Variants in GALNT13 observed in about 807,000 individuals in gnomAD.
The protein encoded by GALNT13 is UDP-GalNAc:polypeptide N-acetylgalactosaminyltransferase 13.
Under a neutral mutation model 64.2 loss-of-function variants are expected in GALNT13, and 28 were observed. The observed-to-expected ratio is 0.44, with a 90% confidence interval of 0.32 to 0.60. The LOEUF (loss-of-function observed/expected upper bound fraction) is 0.60, where lower values mean the gene tolerates loss of function less well. GALNT13 is among the 20% of genes least tolerant of loss of function. The pLI is 0.05. For synonymous variants in GALNT13, 214 were observed against 224.6 expected, an observed-to-expected ratio of 0.95 and a Z score of 0.42; for missense variants, 577 against 669.8, an observed-to-expected ratio of 0.86 and a Z score of 1.53.
the GALNT13 span, among the ~76,000 whole-genome samples, chr2:153,361,173 G>A: frequency 6.6e-6 from 1 of 151,712 alleles, no homozygotes; most frequent in Non-Finnish European, 1.5e-5. Flanking sequence ...AAACAAACAG[G>A]AATCAACAAA....
At chr2:153,108,331 T>C in the GALNT13 span, among the ~76,000 whole-genome samples, 1 of 152,134 alleles carries the variant, frequency 6.6e-6, no homozygotes, top group Non-Finnish European at 1.5e-5. Context: ...TTGTATGCTG[T>C]GTATACTGCA....
rs199651253 is a variant in GALNT13, at chr2:154,161,783, ATT to A, written c.311+21289_311+21290del. The stretch of plus-strand genomic sequence containing the variant: ...TGAGCAACATAACAAAATCAAGTGT[ATT>A]TTTTTTTTTTGTTTTCAGACGGTCT... On this transcript the variant is annotated intron_variant, in intron 4 of 12. Coordinates refer to ENST00000392825, the MANE Select transcript of GALNT13 (RefSeq NM_052917.4). Among the ~76,000 whole-genome samples the A allele has an allele frequency of 3.3e-4, 48 of 147,658 alleles. 1 individual carries two copies. Among genetic ancestry groups the A allele is most frequent in the African/African-American group, 9.7e-4 (39 of 40,374 alleles).
At chr2:154,068,420 T>G (rs1558940521) in intron 3 of GALNT13, among the ~76,000 whole-genome samples, 3 of 152,068 alleles carry the variant, frequency 2.0e-5, no homozygotes, top group South Asian at 4.2e-4. Context: ...CTCCCATGTT[T>G]ATTGCAACAC....
chr2:154,190,110 G>T (rs1250283583), intron 4 of GALNT13, among the ~76,000 whole-genome samples: 1 of 152,134 alleles, frequency 6.6e-6, no homozygotes, highest in Non-Finnish European at 1.5e-5. Context: ...AGGCAGGTTT[G>T]CTTGCAGCAG....
intron 3 of GALNT13, among the ~76,000 whole-genome samples, chr2:154,122,555 G>A (rs1682012478): frequency 6.6e-6 from 1 of 151,914 alleles, no homozygotes; most frequent in African/African-American, 2.4e-5. Context: ...ACTGGGCCTG[G>A]TGCTTTCTTT....
the GALNT13 span, among the ~76,000 whole-genome samples, chr2:153,093,420 G>A: frequency 6.6e-6 from 1 of 151,614 alleles, no homozygotes; most frequent in Non-Finnish European, 1.5e-5. Flanking sequence ...TTGTATTTTA[G>A]TAGAGACAGG....
At chr2:153,313,671 A>G in the GALNT13 span, among the ~76,000 whole-genome samples, 1 of 152,156 alleles carries the variant, frequency 6.6e-6, no homozygotes, top group East Asian at 1.9e-4. Flanking sequence ...TATATAACAA[A>G]CCTGCACACG....
chr2:153,238,160 C>G, the GALNT13 span, among the ~76,000 whole-genome samples: 3 of 151,970 alleles, frequency 2.0e-5, no homozygotes, highest in Non-Finnish European at 4.4e-5. Flanking sequence ...ATTCAAGTCT[C>G]TTGCTCATTT....
the GALNT13 span, among the ~76,000 whole-genome samples, chr2:153,726,764 C>T: frequency 1.6e-3 from 239 of 151,974 alleles, no homozygotes; most frequent in Admixed American, 2.0e-3. Flanking sequence ...CACGGTGAAA[C>T]CCTGTCTCTC....
chr2:153,633,142 A>G, the GALNT13 span, among the ~76,000 whole-genome samples: 2 of 152,182 alleles, frequency 1.3e-5, no homozygotes, highest in Admixed American at 6.6e-5. Flanking sequence ...TATACAAGGC[A>G]TCTTGGTTAC....
At chr2:154,445,543 GTCT>G (rs1164669141) in intron 12 of GALNT13, among the ~76,000 whole-genome samples, 1 of 151,566 alleles carries the variant, frequency 6.6e-6, no homozygotes, top group African/African-American at 2.4e-5. Flanking sequence ...ATATAAACTA[GTCT>G]TCTTAAAAAA....
At chr2:154,251,486 C>T (rs1030263923) in intron 7 of GALNT13, among the ~76,000 whole-genome samples, 2 of 152,094 alleles carry the variant, frequency 1.3e-5, no homozygotes, top group African/African-American at 4.8e-5. Flanking sequence ...AAATCATTTG[C>T]CCATACTAAG....
chr2:153,263,231 G>C, the GALNT13 span, among the ~76,000 whole-genome samples: 1 of 151,812 alleles, frequency 6.6e-6, no homozygotes, highest in Admixed American at 6.6e-5. Context: ...TAGGAATACA[G>C]CTAACAAGGG....
chr2:153,349,820 A>C, the GALNT13 span, among the ~76,000 whole-genome samples: 1 of 152,126 alleles, frequency 6.6e-6, no homozygotes, highest in Admixed American at 6.6e-5. Context: ...CATGCAAACC[A>C]TCTCCCTTCA....
chr2:154,208,310 G>A (rs918641818), intron 4 of GALNT13, among the ~76,000 whole-genome samples: 2 of 151,986 alleles, frequency 1.3e-5, no homozygotes, highest in Non-Finnish European at 2.9e-5. Context: ...TATGAGAAAA[G>A]CAGAACTTAG....
the GALNT13 span, among the ~76,000 whole-genome samples, chr2:153,678,144 A>G: frequency 1.5e-5 from 2 of 133,924 alleles, no homozygotes; most frequent in Admixed American, 8.4e-5. Flanking sequence ...GCATCTATGC[A>G]TCCGACAAAT....
At chr2:154,395,863 A>C in intron 9 of GALNT13, 128 bp from the exon 10 acceptor site, 11 of 649,664 alleles carry the variant, frequency 1.7e-5, no homozygotes, top group South Asian at 2.8e-5. Context: ...CCAGTGGAGT[A>C]GCAGCTGCAT....
At chr2:154,236,211 A>G in intron 4 of GALNT13, 1 of 989,534 alleles carries the variant, frequency 1.0e-6, no homozygotes, top group Non-Finnish European at 1.3e-6. Context: ...AGATATAAAC[A>G]CACAAAGAGA....
At chr2:154,397,014 C>T (rs1415391422) in intron 10 of GALNT13, among the ~76,000 whole-genome samples, 1 of 150,746 alleles carries the variant, frequency 6.6e-6, no homozygotes, top group Non-Finnish European at 1.5e-5. Context: ...TCCTATATAG[C>T]ATATATATCT....
Sources: gnomAD v4.1 joint callset for allele counts (sites outside exome capture counted in the v4.1 genomes callset) on GRCh38, gnomAD v4.1.1 for gene constraint, MANE v1.5 for transcripts, NCBI Gene and HGNC (gene_info 2026-07-23, HGNC 2026-07-21) for gene names.